Variants in TUBA8 observed in about 807,000 individuals in gnomAD.
The protein encoded by TUBA8 is tubulin alpha-8 chain.
In TUBA8, 29 loss-of-function variants were observed where a neutral mutation model predicts 34.7. The ratio of observed to expected loss-of-function variants is 0.84; its 90% CI spans 0.62 to 1.14. The LOEUF (loss-of-function observed/expected upper bound fraction) is 1.14. Among genes scored for constraint, TUBA8 ranks in the 50% most tolerant of loss-of-function variants. The pLI, the probability that TUBA8 is intolerant of heterozygous loss-of-function variation, is 0.00. For missense variants in TUBA8, 541 were observed against 599.2 expected (o/e 0.90, Z 1.01); for synonymous variants, 226 against 231.2 (o/e 0.98, Z 0.21).
rs1928505378 is a variant in TUBA8 at position 18,131,291 on chromosome 22, G to T, written c.*155G>T. On this transcript the variant is annotated 3_prime_UTR_variant, in exon 5 of 5. Coordinates refer to ENST00000330423, the MANE Select transcript of TUBA8 (RefSeq NM_018943.3). This position sits in a 1 kb window ranked among gnomAD's most constrained non-coding sequence, Gnocchi z 5.3. ...CCAGTACCCAGGGTGGCACGACTGG[G>T]CTAAGTGGACACTGAGCTTCATCAG... The T allele has an allele frequency of 6.7e-6, 5 of 744,102 alleles. No individual in the cohort carries two copies. Among genetic ancestry groups the T allele is most frequent in the Non-Finnish European group, 1.1e-5 (5 of 448,310 alleles). The allele number at this position is 744,102 out of a possible 1,614,324, so 46.1% of individuals were successfully genotyped here.
chr22:18,122,189 G>A (rs887249998), intron 2 of TUBA8: 12 of 162,424 alleles, frequency 7.4e-5, no homozygotes, highest in Admixed American at 4.0e-4. Flanking sequence ...GGAAACACAG[G>A]AATTCTGCCT....
rs74837116 is a variant in TUBA8, at chr22:18,123,991, G to T, written c.227-165G>T. The T allele has an allele frequency of 0.011, 8,978 of 818,600 alleles. 70 individuals carry two copies. The highest frequency in any genetic ancestry group is 0.014 in the Non-Finnish European group (7,268 of 502,878). 50.7% of individuals were successfully genotyped at this position (818,600 alleles called of 1,614,324 possible). ...GGCTCTGTTAGTCCCTGAGCTACCC[G>T]GGAATTCTCTTAGCCTTTTGCAGAT... On this transcript the variant is annotated intron_variant, in intron 2 of 4. Coordinates refer to ENST00000330423, the MANE Select transcript of TUBA8 (RefSeq NM_018943.3).
chr22:18,130,881 G>A lies in TUBA8; in HGVS notation c.1095G>A (p.Gly365=), dbSNP rs748245408. 1.9e-6 allele frequency: 3 copies of A among 1,613,942 alleles called. No homozygotes were observed. In the Admixed American group the frequency reaches 5.0e-5, roughly 27 times the overall value. The change falls in exon 5 of 5, where the codon GGG becomes GGA. Residue 365 remains glycine (G), a synonymous_variant. Transcript: ENST00000330423. ...ACCAGCCCCCGACCGTGGTCCCCGG[G>A]GGAGACCTGGCCAAGGTGCAGCGGG... ...INYQPPTVVP[G]GDLAKVQRAV...
chr22:18,126,504 C>G lies in TUBA8; in HGVS notation c.526C>G (p.Gln176Glu). Reference protein sequence around the residue: ...KLEFAIYPAPQVSTAVVEPYN... With the variant: ...KLEFAIYPAPEVSTAVVEPYN... Reference sequence around the variant, plus strand: ...GGAGTTTGCCATCTACCCAGCCCCCCAGGTCTCTACTGCAGTGGTGGAGCC... The same window carrying G: ...GGAGTTTGCCATCTACCCAGCCCCCGAGGTCTCTACTGCAGTGGTGGAGCC... The change falls in exon 4 of 5, where the codon CAG (glutamine) becomes GAG (glutamate). Residue 176 changes from glutamine (Q) to glutamate (E), a missense_variant. Gln to Glu is a conservative substitution (Grantham distance 29). Transcript: ENST00000330423. This position sits in a 1 kb window ranked among gnomAD's most constrained non-coding sequence, Gnocchi z 4.0. 4 of 1,614,146 alleles carry G rather than the reference C, an allele frequency of 2.5e-6. No homozygotes were observed. The highest frequency in any genetic ancestry group is 3.4e-6 in the Non-Finnish European group (4 of 1,180,026).
Position 18,126,331 on chromosome 22 carries a change from T to G in TUBA8, c.376-23T>G. On this transcript the variant is annotated intron_variant, in intron 3 of 4. Transcript: ENST00000330423. This position sits in a 1 kb window ranked among gnomAD's most constrained non-coding sequence, Gnocchi z 4.0. ...CTCGGAAACTTGTCTTCATGATTTC[T>G]TCTCATGTCCTGCTCTCCCTAGACA... The G allele has an allele frequency of 6.2e-7, 1 of 1,613,456 alleles. No individual in the cohort carries two copies. Among genetic ancestry groups the G allele is most frequent in the Non-Finnish European group, 8.5e-7 (1 of 1,179,402 alleles).
rs375122318 is a variant in TUBA8 at position 18,126,656 on chromosome 22, C to A, written c.678C>A (p.Asn226Lys). Residue 226 changes from asparagine (N) to lysine (K), a missense_variant, in exon 4 of 5, where the codon AAC (asparagine) becomes AAA (lysine). Physicochemically the swap from Asn to Lys is moderately conservative, Grantham distance 94. Transcript: ENST00000330423. This position sits in a 1 kb window ranked among gnomAD's most constrained non-coding sequence, Gnocchi z 4.0. The part of the protein sequence containing the change: ...NLDIERPTYT[N>K]LNRLISQIVS... ...ACATTGAGCGCCCTACCTATACCAA[C>A]CTCAACCGCCTCATCAGTCAGATTG... 7 of 1,614,182 alleles carry A rather than the reference C, an allele frequency of 4.3e-6. No individual in the cohort carries two copies. Among genetic ancestry groups the A allele is most frequent in the Non-Finnish European group, 5.9e-6 (7 of 1,180,032 alleles).
chr22:18,114,651 ATT>A (rs362021), intron 1 of TUBA8: 85,743 of 151,790 alleles, frequency 0.56, 27,047 homozygotes, highest in African/African-American at 0.86. Context: ...TATGTGATCT[ATT>A]TTATCCCAGC....
chr22:18,116,229 A>ATTC (rs1602490207), intron 1 of TUBA8: 4 of 151,744 alleles, frequency 2.6e-5, no homozygotes, highest in African/African-American at 7.2e-5. Context: ...CCGCCCCATG[A>ATTC]GCCATTCGCC....
At chr22:18,113,053 C>T (rs1412374401) in intron 1 of TUBA8, 1 of 152,232 alleles carries the variant, frequency 6.6e-6, no homozygotes, top group Non-Finnish European at 1.5e-5. Flanking sequence ...TTTCTGTAGG[C>T]TCTGGGCAAG....
rs1053303217 is a variant in TUBA8, at chr22:18,127,011, G to C, written c.1033G>C (p.Asp345His). ...GACCAAGAGGACCATCCAGTTTGTA[G>C]ACTGGTGTCCCACAGGCTTCAAGGT... ...IKTKRTIQFV[D>H]WCPTGFKVGI... The change falls in exon 4 of 5, where the codon GAC becomes CAC. Residue 345 changes from aspartate (D) to histidine (H), a missense_variant. Asp to His is a moderately conservative substitution (Grantham distance 81). Coordinates refer to ENST00000330423, the MANE Select transcript of TUBA8 (RefSeq NM_018943.3). 2 of 1,614,154 alleles carry C rather than the reference G, an allele frequency of 1.2e-6. No homozygotes were observed. The highest frequency in any genetic ancestry group is 3.3e-5 in the Admixed American group (2 of 60,014).
At chr22:18,123,635 C>G (rs963262783) in intron 2 of TUBA8, 2 of 173,088 alleles carry the variant, frequency 1.2e-5, no homozygotes, top group Non-Finnish European at 2.5e-5. Context: ...AGTGCAGTGG[C>G]AAGATCTCAG....
Position 18,121,366 on chromosome 22 carries a change from G to T in TUBA8, c.4-113G>T. On this transcript the variant is annotated intron_variant, in intron 1 of 4. Transcript: ENST00000330423. This position sits in a 1 kb window ranked among gnomAD's most constrained non-coding sequence, Gnocchi z 4.8. ...GCACCTGCAGCCTCAACGCCAACTG[G>T]CAATGGGGGGCTGGGGCCTGGCTGG... The T allele has an allele frequency of 1.1e-6, 1 of 919,450 alleles. No individual in the cohort carries two copies. Among genetic ancestry groups the T allele is most frequent in the Admixed American group, 1.8e-5 (1 of 54,932 alleles). The allele number at this position is 919,450 out of a possible 1,614,324, so 57.0% of individuals were successfully genotyped here.
chr22:18,113,966 G>T (rs976232041), intron 1 of TUBA8: 1 of 152,136 alleles, frequency 6.6e-6, no homozygotes, highest in East Asian at 1.9e-4. Context: ...CCTTCAAAGG[G>T]AGATGAAAGT....
rs1036383135 is a variant in TUBA8, at chr22:18,111,134, C to G, written c.3+266C>G. On this transcript the variant is annotated intron_variant, in intron 1 of 4. Transcript: ENST00000330423. The surrounding 1 kb of genome is among the most constrained non-coding windows in gnomAD (Gnocchi z 5.1). Reference sequence around the variant, plus strand: ...TGCGTGCAGACGAGGGGGAGGGAGGCCCTGGGGAGCCCGACGGAGAAGGGG... The same window carrying G: ...TGCGTGCAGACGAGGGGGAGGGAGGGCCTGGGGAGCCCGACGGAGAAGGGG... The G allele has an allele frequency of 5.2e-6, 3 of 577,216 alleles. No homozygotes were observed. In the African/African-American group the frequency reaches 5.7e-5, roughly 11 times the overall value. The allele number at this position is 577,216 out of a possible 1,614,324, so 35.8% of individuals were successfully genotyped here. A position where few individuals can be genotyped will look rare whatever the true frequency, so the allele number is the denominator to read the frequency against.
chr22:18,130,927 A>T lies in TUBA8; in HGVS notation c.1141A>T (p.Thr381Ser), dbSNP rs927347132. The change falls in exon 5 of 5, where the codon ACC (threonine) becomes TCC (serine). Residue 381 changes from threonine (T) to serine (S), a missense_variant. Thr to Ser is a moderately conservative substitution (Grantham distance 58). Coordinates refer to ENST00000330423, the MANE Select transcript of TUBA8 (RefSeq NM_018943.3). ...VQRAVCMLSN[T>S]TAIAEAWARL... ...GCGGGCCGTCTGCATGCTCAGCAAC[A>T]CCACGGCCATTGCGGAGGCCTGGGC... 23 of 1,613,898 alleles carry T rather than the reference A, an allele frequency of 1.4e-5. 1 individual carries two copies. The highest frequency in any genetic ancestry group is 1.9e-5 in the Non-Finnish European group (23 of 1,180,012).
chr22:18,124,532 C>A lies in TUBA8; in HGVS notation c.375+228C>A. ...GTTCCAGGCTGAGGCCCTACTCATA[C>A]TCATTGATACTCTCTGTTAGTATCT... On this transcript the variant is annotated intron_variant, in intron 3 of 4. Coordinates refer to ENST00000330423, the MANE Select transcript of TUBA8 (RefSeq NM_018943.3). The surrounding 1 kb of genome is among the most constrained non-coding windows in gnomAD (Gnocchi z 4.3). 1.9e-6 allele frequency: 1 copy of A among 522,118 alleles called. No individual in the cohort carries two copies. Among genetic ancestry groups the A allele is most frequent in the South Asian group, 2.9e-5 (1 of 34,408 alleles). The allele number at this position is 522,118 out of a possible 1,614,324, so 32.3% of individuals were successfully genotyped here.
chr22:18,120,343 G>A (rs1928110570), intron 1 of TUBA8: 1 of 152,176 alleles, frequency 6.6e-6, no homozygotes, highest in Non-Finnish European at 1.5e-5. Context: ...CTGTCCATGA[G>A]TACCCATGTT....
chr22:18,114,851 A>G (rs1055588007), intron 1 of TUBA8: 1 of 152,206 alleles, frequency 6.6e-6, no homozygotes, highest in Admixed American at 6.5e-5. Context: ...ATAGTATCAC[A>G]AGACAGCCTT....
intron 1 of TUBA8, chr22:18,114,527 G>A (rs1277642639): frequency 1.3e-5 from 2 of 152,234 alleles, no homozygotes; most frequent in Non-Finnish European, 2.9e-5. Context: ...AGAGTTCTGA[G>A]CAGAGAGAAT....
Sources: allele counts gnomAD v4.1 joint callset, GRCh38; gene constraint gnomAD v4.1.1; non-coding constraint Gnocchi (gnomAD v3.1); transcripts MANE v1.5; gene names NCBI Gene and HGNC (gene_info 2026-07-23, HGNC 2026-07-21).